MRPL14: variants seen among roughly 807,000 people sequenced by gnomAD.
MRPL14 encodes the protein mitochondrial ribosomal protein L14.
MRPL14 carries 8 observed loss-of-function variants against 10.9 expected under a neutral mutation model. That is an observed-to-expected ratio of 0.74 (90% confidence interval 0.43 to 1.33). The LOEUF (loss-of-function observed/expected upper bound fraction) is 1.33. Among genes scored for constraint, MRPL14 ranks in the 40% most tolerant of loss-of-function variants. The pLI is 0.01. For synonymous variants in MRPL14, 82 were observed against 74.1 expected (o/e 1.11, Z -0.54); for missense variants, 179 against 194.5 (o/e 0.92, Z 0.47).
chr6:44,120,499 A>G (rs1480696524), intron 1 of MRPL14, among the ~76,000 whole-genome samples: 2 of 152,222 alleles, frequency 1.3e-5, no homozygotes, highest in Non-Finnish European at 2.9e-5. Flanking sequence ...TTCCCAATTC[A>G]GTGACTTTTC....
intron 1 of MRPL14, among the ~76,000 whole-genome samples, chr6:44,119,498 A>C (rs1176967041): frequency 6.6e-6 from 1 of 152,048 alleles, no homozygotes; most frequent in South Asian, 2.1e-4. Context: ...ACTGCACTCC[A>C]GCCTGGGCAA....
Position 44,113,530 on chromosome 6 carries a change from G to A in MRPL14, c.*313C>T, listed in dbSNP as rs1775545309. 8.5e-6 allele frequency: 2 copies of A among 235,242 alleles called. No homozygotes were observed. The highest frequency in any genetic ancestry group is 4.5e-5 in the African/African-American group (2 of 44,600). The allele number at this position is 235,242 out of a possible 1,614,324, so 14.6% of individuals were successfully genotyped here. The stretch of plus-strand genomic sequence containing the variant: ...TTTCCAGGGCCTGACAGTCCTGGAT[G>A]AACTTATAGGGTCCAAACCAGAAAA... On this transcript the variant is annotated 3_prime_UTR_variant, in exon 3 of 3. Transcript: ENST00000372014.
At chr6:44,122,541 T>C (rs1377459282) in intron 1 of MRPL14, among the ~76,000 whole-genome samples, 1 of 152,244 alleles carries the variant, frequency 6.6e-6, no homozygotes, top group African/African-American at 2.4e-5. Flanking sequence ...ACACATTGTT[T>C]CTACCTAAAC....
chr6:44,117,539 T>C (rs1489271905), intron 1 of MRPL14, among the ~76,000 whole-genome samples: 2 of 152,194 alleles, frequency 1.3e-5, no homozygotes, highest in African/African-American at 2.4e-5. Context: ...GCCTCTACAC[T>C]GTAGTATTTA....
intron 1 of MRPL14, among the ~76,000 whole-genome samples, chr6:44,117,847 T>G (rs1034171001): frequency 4.4e-5 from 6 of 135,234 alleles, no homozygotes; most frequent in East Asian, 4.3e-4. Context: ...TGTGTTTTTT[T>G]TTTTTTTTTT....
At chr6:44,117,897 G>A (rs1404087361) in intron 1 of MRPL14, among the ~76,000 whole-genome samples, 1 of 130,208 alleles carries the variant, frequency 7.7e-6, no homozygotes, top group Non-Finnish European at 1.5e-5. Flanking sequence ...ATGTTGCCCA[G>A]GCTGGCCTTG....
intron 1 of MRPL14, among the ~76,000 whole-genome samples, chr6:44,125,473 T>C (rs543133761): frequency 6.6e-6 from 1 of 151,946 alleles, no homozygotes; most frequent in African/African-American, 2.4e-5. Context: ...CTGGGCAACA[T>C]GGTGAAACCC....
intron 1 of MRPL14, 176 bp downstream of exon 1, chr6:44,127,168 A>AC (rs72348651): frequency 2.5e-5 from 2 of 79,416 alleles, no homozygotes; most frequent in African/African-American, 4.6e-5. Flanking sequence ...CCCCGTCGGG[A>AC]CCCCCCTCCC....
chr6:44,121,811 G>T (rs564164986), intron 1 of MRPL14, among the ~76,000 whole-genome samples: 1 of 152,040 alleles, frequency 6.6e-6, no homozygotes, highest in Admixed American at 6.5e-5. Flanking sequence ...GTGGTGGCAC[G>T]TGCCTGTAGT....
intron 1 of MRPL14, among the ~76,000 whole-genome samples, chr6:44,123,577 A>G (rs986953853): frequency 6.6e-6 from 1 of 152,232 alleles, no homozygotes; most frequent in African/African-American, 2.4e-5. Context: ...AGTATCCCTC[A>G]ATAGCATGAT....
At chr6:44,115,902 A>G (rs1460038438) in intron 2 of MRPL14, among the ~76,000 whole-genome samples, 1 of 152,166 alleles carries the variant, frequency 6.6e-6, no homozygotes, top group Non-Finnish European at 1.5e-5. Context: ...GCACTGTACA[A>G]TCCTCTATTA....
At chr6:44,119,644 T>G (rs886579673) in intron 1 of MRPL14, among the ~76,000 whole-genome samples, 12 of 152,218 alleles carry the variant, frequency 7.9e-5, no homozygotes, top group Non-Finnish European at 1.3e-4. Context: ...CTTTAAGTTT[T>G]GAAGACAATT....
At chr6:44,127,093 T>TG (rs1777180537) in intron 1 of MRPL14, 2 of 149,900 alleles carry the variant, frequency 1.3e-5, no homozygotes, top group Admixed American at 1.3e-4. Context: ...GCCACGGACT[T>TG]GGGGGTCGCA....
At chr6:44,116,351 A>G (rs763642819) in intron 2 of MRPL14, among the ~76,000 whole-genome samples, 190 bp downstream of exon 2, 5 of 152,174 alleles carry the variant, frequency 3.3e-5, no homozygotes, top group Non-Finnish European at 5.9e-5. Context: ...TAACAGCAAC[A>G]TCACCTCTTT....
intron 1 of MRPL14, among the ~76,000 whole-genome samples, chr6:44,125,634 C>T (rs1337300678): frequency 7.3e-6 from 1 of 137,794 alleles, no homozygotes; most frequent in African/African-American, 2.7e-5. Flanking sequence ...TCTCCCCAGC[C>T]TGGGCAAGAG....
chr6:44,121,774 T>C (rs1000277610), intron 1 of MRPL14, among the ~76,000 whole-genome samples: 1 of 152,150 alleles, frequency 6.6e-6, no homozygotes, highest in African/African-American at 2.4e-5. Context: ...ACCCCGTCTC[T>C]ACCAAAAATA....
chr6:44,118,062 C>A (rs1776040012), intron 1 of MRPL14, among the ~76,000 whole-genome samples: 1 of 151,876 alleles, frequency 6.6e-6, no homozygotes, highest in African/African-American at 2.4e-5. Context: ...TTAAGACAAC[C>A]CATGAAGCAT....
At position 44,125,348 on chromosome 6, in the gene MRPL14, A is replaced by G. The variant is rs545824380; in HGVS notation, c.-19+1996T>C. Among the ~76,000 whole-genome samples the G allele has an allele frequency of 2.0e-5, 3 of 152,334 alleles. No individual in the cohort carries two copies. The South Asian group carries it at 6.2e-4, about 32-fold the overall frequency. ...TTCATAACTATACTTTTTGTAAAAA[A>G]TAAAAACATATAAAAAATGCCTTCT... On this transcript the variant is annotated intron_variant, in intron 1 of 2. Transcript: ENST00000372014.
In MRPL14 at chr6:44,125,239, T is replaced by C. The variant is rs567536780; in HGVS notation, c.-19+2105A>G. 1.2e-4 allele frequency among the ~76,000 whole-genome samples: 18 copies of C among 152,316 alleles called. No individual in the cohort carries two copies. In the South Asian group the frequency reaches 3.7e-3, roughly 32 times the overall value. ...AATGCTTGCCCTGGAAAGTGTCACT[T>C]GATGGCTCACACACTCCTTGAGGAT... On this transcript the variant is annotated intron_variant, in intron 1 of 2. Transcript: ENST00000372014.
Sources: allele counts gnomAD v4.1 joint callset (sites outside exome capture counted in the v4.1 genomes callset), GRCh38; gene constraint gnomAD v4.1.1; transcripts MANE v1.5; gene names NCBI Gene and HGNC (gene_info 2026-07-23, HGNC 2026-07-21).